FHIP1A: variants seen among roughly 807,000 people sequenced by gnomAD.
FHIP1A encodes FHF complex subunit HOOK interacting protein 1A.
FHIP1A carries 61 observed loss-of-function variants against 88.6 expected under a neutral mutation model. That is an observed-to-expected ratio of 0.69 (90% CI 0.56 to 0.85). The LOEUF is 0.85. Among genes scored for constraint, FHIP1A ranks in the 40% least tolerant of loss-of-function variants. The pLI is 0.00. For missense variants in FHIP1A, 1,154 were observed against 1,273.5 expected (o/e 0.91, Z 1.43); for synonymous variants, 478 against 496.0 (o/e 0.96, Z 0.48).
At chr4:151,655,007 G>A (rs1287595090) in intron 11 of FHIP1A, among the ~76,000 whole-genome samples, 2 of 152,178 alleles carry the variant, frequency 1.3e-5, no homozygotes, top group Non-Finnish European at 2.9e-5. Flanking sequence ...TTTCGGTTTG[G>A]TGTTCCCATT....
chr4:151,471,281 G>A (rs1002961354), intron 2 of FHIP1A, among the ~76,000 whole-genome samples: 1 of 98,890 alleles, frequency 1.0e-5, no homozygotes, highest in Non-Finnish European at 2.2e-5. Flanking sequence ...TCTTGGAATT[G>A]TTCCTTTTTT....
At chr4:151,537,584 A>G (rs1371020684) in intron 3 of FHIP1A, among the ~76,000 whole-genome samples, 1 of 152,124 alleles carries the variant, frequency 6.6e-6, no homozygotes, top group African/African-American at 2.4e-5. Context: ...TCATAGAGCA[A>G]AAGTTTTAAG....
chr4:151,549,989 T>C (rs1732662589), intron 3 of FHIP1A, among the ~76,000 whole-genome samples: 1 of 152,212 alleles, frequency 6.6e-6, no homozygotes. Flanking sequence ...GAAAAATCTT[T>C]AAAAAGGGTT....
chr4:151,638,315 TTGTGTGTG>T (rs146664249), intron 8 of FHIP1A, among the ~76,000 whole-genome samples: 6 of 143,732 alleles, frequency 4.2e-5, no homozygotes, highest in African/African-American at 1.3e-4. Flanking sequence ...AAATAGGAGA[TTGTGTGTG>T]TGTGTGTGTG....
chr4:151,524,739 A>G (rs1731571310), intron 3 of FHIP1A, among the ~76,000 whole-genome samples: 1 of 152,234 alleles, frequency 6.6e-6, no homozygotes, highest in Non-Finnish European at 1.5e-5. Flanking sequence ...TAGGCTTCTG[A>G]GAAGAAGCTA....
rs1290938854 is a variant in FHIP1A at position 151,663,638 on chromosome 4, C to T, written c.*884C>T. 2 of 152,138 alleles carry T rather than the reference C, an allele frequency of 1.3e-5. No homozygotes were observed. Among genetic ancestry groups the T allele is most frequent in the Non-Finnish European group, 2.9e-5 (2 of 68,022 alleles). The allele number at this position is 152,138 out of a possible 1,614,324, so 9.4% of individuals were successfully genotyped here. On this transcript the variant is annotated 3_prime_UTR_variant, in exon 14 of 14. Transcript: ENST00000435205. ...AAAACAAACTGATTAACTTGTGAAGCCATTTCATAGTGGGTTTTTTCAGGG... is the reference window on the plus strand; with the variant it reads ...AAAACAAACTGATTAACTTGTGAAGTCATTTCATAGTGGGTTTTTTCAGGG...
intron 3 of FHIP1A, among the ~76,000 whole-genome samples, chr4:151,548,604 C>A (rs1732598758): frequency 6.6e-6 from 1 of 152,162 alleles, no homozygotes; most frequent in Non-Finnish European, 1.5e-5. Flanking sequence ...TGACAGTTTG[C>A]AAATGAAATG....
At chr4:151,523,835 A>G (rs546346491) in intron 3 of FHIP1A, among the ~76,000 whole-genome samples, 2 of 152,308 alleles carry the variant, frequency 1.3e-5, no homozygotes, top group East Asian at 3.9e-4. Flanking sequence ...TGAACAACCA[A>G]CACAAAAGTA....
intron 7 of FHIP1A, among the ~76,000 whole-genome samples, chr4:151,591,071 C>CT (rs1734405663): frequency 6.6e-6 from 1 of 150,622 alleles, no homozygotes; most frequent in Admixed American, 6.6e-5. Flanking sequence ...TCCCTGTTCT[C>CT]TGTCTGTTTT....
At chr4:151,644,165 C>T (rs946600584) in intron 9 of FHIP1A, among the ~76,000 whole-genome samples, 8 of 152,014 alleles carry the variant, frequency 5.3e-5, no homozygotes, top group African/African-American at 1.5e-4. Context: ...CTGTGTAATC[C>T]GAATTTCTCT....
chr4:151,496,850 C>T (rs142953187), intron 3 of FHIP1A, among the ~76,000 whole-genome samples: 2 of 151,738 alleles, frequency 1.3e-5, no homozygotes, highest in African/African-American at 4.8e-5. Flanking sequence ...GTGTGAGCCA[C>T]TGCCCTTGGC....
At chr4:151,634,519 T>C (rs1178131015) in intron 8 of FHIP1A, among the ~76,000 whole-genome samples, 2 of 151,768 alleles carry the variant, frequency 1.3e-5, no homozygotes, top group South Asian at 2.1e-4. Context: ...ATTACAAAGC[T>C]ATAGTAATAA....
At chr4:151,507,461 T>C (rs1730874940) in intron 3 of FHIP1A, among the ~76,000 whole-genome samples, 1 of 152,230 alleles carries the variant, frequency 6.6e-6, no homozygotes, top group South Asian at 2.1e-4. Flanking sequence ...TTAGAACATG[T>C]TATCTATTAT....
intron 5 of FHIP1A, among the ~76,000 whole-genome samples, chr4:151,585,687 T>G (rs1032837386): frequency 6.6e-6 from 1 of 152,206 alleles, no homozygotes; most frequent in Non-Finnish European, 1.5e-5. Context: ...TCTTCCTACA[T>G]TTCTGTCTCT....
chr4:151,567,772 A>G (rs1359393115), intron 4 of FHIP1A, among the ~76,000 whole-genome samples: 2 of 152,130 alleles, frequency 1.3e-5, no homozygotes, highest in Non-Finnish European at 2.9e-5. Flanking sequence ...TAGTGTCTGT[A>G]TGATTACTAA....
chr4:151,625,001 A>G (rs1015916853), intron 7 of FHIP1A, among the ~76,000 whole-genome samples: 1 of 152,118 alleles, frequency 6.6e-6, no homozygotes, highest in Non-Finnish European at 1.5e-5. Context: ...AGGGGAGAAG[A>G]TGGCTGCAAG....
At chr4:151,648,441 CT>C (rs1463194799) in intron 10 of FHIP1A, among the ~76,000 whole-genome samples, 1 of 152,038 alleles carries the variant, frequency 6.6e-6, no homozygotes, top group Non-Finnish European at 1.5e-5. Context: ...TGAATTATGT[CT>C]ACCCTAATGC....
At chr4:151,504,358 C>T (rs1210482036) in intron 3 of FHIP1A, among the ~76,000 whole-genome samples, 1 of 152,062 alleles carries the variant, frequency 6.6e-6, no homozygotes, top group Non-Finnish European at 1.5e-5. Context: ...ATGAGTATCT[C>T]CTTCAGCATG....
At chr4:151,556,137 C>G (rs1732938719) in intron 3 of FHIP1A, among the ~76,000 whole-genome samples, 1 of 151,958 alleles carries the variant, frequency 6.6e-6, no homozygotes, top group South Asian at 2.1e-4. Context: ...TTTTTGGGAG[C>G]CTTCAGAACT....
Sources: gnomAD v4.1 joint callset for allele counts (sites outside exome capture counted in the v4.1 genomes callset) on GRCh38, gnomAD v4.1.1 for gene constraint, MANE v1.5 for transcripts, NCBI Gene and HGNC (gene_info 2026-07-23, HGNC 2026-07-21) for gene names.